EPB41L5: variants seen among roughly 807,000 people sequenced by gnomAD.
EPB41L5 encodes the protein erythrocyte membrane protein band 4.1 like 5, also known as band 4.1-like protein 5.
Under a neutral mutation model 106.6 loss-of-function variants are expected in EPB41L5, and 55 were observed. That is an observed-to-expected ratio of 0.52 (90% CI 0.42 to 0.65). EPB41L5 has a LOEUF of 0.65. Ranked by LOEUF, EPB41L5 falls within the 30% of genes least tolerant of loss-of-function variation. EPB41L5 has a pLI of 0.00. For missense variants in EPB41L5, 871 were observed against 882.1 expected (o/e 0.99, Z 0.16); for synonymous variants, 297 against 306.7 (o/e 0.97, Z 0.33).
At chr2:120,038,002 A>G (rs1679151874) in intron 2 of EPB41L5, among the ~76,000 whole-genome samples, 1 of 152,244 alleles carries the variant, frequency 6.6e-6, no homozygotes, top group Admixed American at 6.5e-5. Flanking sequence ...AGGATATGAT[A>G]ACAAAAGCAC....
intron 20 of EPB41L5, among the ~76,000 whole-genome samples, chr2:120,154,081 CT>C (rs1320248344): frequency 6.7e-6 from 1 of 150,160 alleles, no homozygotes; most frequent in Non-Finnish European, 1.5e-5. Context: ...CCATTACTGT[CT>C]TCTTTGTTTA....
Position 120,013,217 on chromosome 2 carries a change from G to T in EPB41L5, c.-9+7G>T, listed in dbSNP as rs1263293393. On this transcript the variant is annotated splice_region_variant and intron_variant, in intron 1 of 24. Transcript: ENST00000263713. Reference sequence around the variant, plus strand: ...TGCGCCGTCCCCAGCTCAGGTAAGCGCGAGGCCCGGCGGCGGCGCCGCAGT... The same window carrying T: ...TGCGCCGTCCCCAGCTCAGGTAAGCTCGAGGCCCGGCGGCGGCGCCGCAGT... 1 of 151,772 alleles carries T rather than the reference G, an allele frequency of 6.6e-6. No homozygotes were observed. The highest frequency in any genetic ancestry group is 1.5e-5 in the Non-Finnish European group (1 of 68,194). 9.4% of individuals were successfully genotyped at this position (151,772 alleles called of 1,614,324 possible).
chr2:120,101,803 C>G (rs552588440), intron 16 of EPB41L5, among the ~76,000 whole-genome samples: 71 of 152,202 alleles, frequency 4.7e-4, no homozygotes, highest in Middle Eastern at 3.4e-3. Flanking sequence ...TATTTCAGTT[C>G]CAAATAACTT....
At chr2:120,051,136 C>G (rs1469357488) in intron 3 of EPB41L5, among the ~76,000 whole-genome samples, 1 of 152,176 alleles carries the variant, frequency 6.6e-6, no homozygotes, top group African/African-American at 2.4e-5. Flanking sequence ...TGTCCATTCT[C>G]AGATCTCAAA....
intron 18 of EPB41L5, among the ~76,000 whole-genome samples, chr2:120,136,301 C>T (rs1685921366): frequency 6.6e-6 from 1 of 151,004 alleles, no homozygotes; most frequent in African/African-American, 2.4e-5. Flanking sequence ...AACATACCAT[C>T]AGAGAAAAGC....
intron 10 of EPB41L5, 119 bp downstream of exon 10, chr2:120,078,700 C>A: frequency 1.6e-6 from 1 of 607,058 alleles, no homozygotes. Context: ...TCAATGAAAG[C>A]AACTGTCTCC....
At chr2:120,125,708 T>C (rs1347644777) in intron 16 of EPB41L5, among the ~76,000 whole-genome samples, 1 of 152,196 alleles carries the variant, frequency 6.6e-6, no homozygotes, top group Non-Finnish European at 1.5e-5. Flanking sequence ...TGGGATTTTT[T>C]TGTCTTTTCT....
intron 10 of EPB41L5, 117 bp from the exon 11 acceptor site, chr2:120,087,054 T>C (rs547803925): frequency 6.7e-5 from 40 of 595,366 alleles, no homozygotes; most frequent in Middle Eastern, 9.2e-4. Context: ...TTTACCGTCC[T>C]GTCAATTTTT....
In EPB41L5 at chr2:120,074,096, A is replaced by G. The variant is rs1207369938; in HGVS notation, c.329-4A>G. ...TTAAAACCTTTTTTTTTTTTAAATGACAGTTGGTTCACCCTATTGTCTGCA... is the reference window on the plus strand; with the variant it reads ...TTAAAACCTTTTTTTTTTTTAAATGGCAGTTGGTTCACCCTATTGTCTGCA... On this transcript the variant is annotated splice_region_variant and splice_polypyrimidine_tract_variant and intron_variant, in intron 4 of 24. Transcript: ENST00000263713. 1.3e-6 allele frequency: 2 copies of G among 1,588,746 alleles called. No homozygotes were observed. The highest frequency in any genetic ancestry group is 8.5e-7 in the Non-Finnish European group (1 of 1,170,122).
chr2:120,110,501 C>T (rs1269316854), intron 16 of EPB41L5, among the ~76,000 whole-genome samples: 2 of 152,182 alleles, frequency 1.3e-5, no homozygotes, highest in African/African-American at 2.4e-5. Context: ...AACTGCCTAT[C>T]TGACATCTCT....
In EPB41L5 at chr2:120,122,810, A is replaced by G. The variant is rs188143167; in HGVS notation, c.1338-4878A>G. Among the ~76,000 whole-genome samples the G allele has an allele frequency of 6.4e-3, 972 of 152,316 alleles. 15 individuals are homozygous for G. Among genetic ancestry groups the G allele is most frequent in the African/African-American group, 0.021 (864 of 41,574 alleles). ...ATATTGATTCTTCCTATCCATGAGC[A>G]TGGAATGTTCTTCCAGTTGTTTGTG... On this transcript the variant is annotated intron_variant, in intron 16 of 24. Coordinates refer to ENST00000263713, the MANE Select transcript of EPB41L5 (RefSeq NM_020909.4).
intron 20 of EPB41L5, among the ~76,000 whole-genome samples, chr2:120,147,423 C>G (rs1242814533): frequency 6.6e-6 from 1 of 151,688 alleles, no homozygotes; most frequent in East Asian, 1.9e-4. Context: ...GTCATGAATT[C>G]AAGACCAGCC....
intron 18 of EPB41L5, among the ~76,000 whole-genome samples, chr2:120,141,879 C>T (rs186678886): frequency 5.6e-4 from 85 of 152,078 alleles, no homozygotes; most frequent in African/African-American, 1.8e-3. Flanking sequence ...GCAGATTTGA[C>T]CTTAACACAG....
intron 16 of EPB41L5, chr2:120,106,313 TA>T: frequency 1.0e-6 from 1 of 985,416 alleles, no homozygotes; most frequent in South Asian, 4.7e-5. Context: ...GTCTATTTTA[TA>T]GAAGTTCCCA....
At chr2:120,104,518 A>G in intron 16 of EPB41L5, 3 of 1,069,552 alleles carry the variant, frequency 2.8e-6, no homozygotes, top group Non-Finnish European at 3.4e-6. Context: ...ATGTTCACAC[A>G]TCACCAGACT....
chr2:120,034,100 T>C (rs1013016187), intron 2 of EPB41L5, among the ~76,000 whole-genome samples: 1 of 152,104 alleles, frequency 6.6e-6, no homozygotes, highest in Non-Finnish European at 1.5e-5. Flanking sequence ...TCTGAAAAAA[T>C]AAAATCATGT....
At chr2:120,121,452 T>G (rs1034700999) in intron 16 of EPB41L5, among the ~76,000 whole-genome samples, 2 of 152,162 alleles carry the variant, frequency 1.3e-5, no homozygotes, top group East Asian at 3.9e-4. Context: ...CATGCAGTGT[T>G]TGGTTTTCTG....
At position 120,069,474 on chromosome 2, in the gene EPB41L5, A is replaced by G. The variant is rs192133254; in HGVS notation, c.286-3704A>G. On this transcript the variant is annotated intron_variant, in intron 3 of 24. Coordinates refer to ENST00000263713, the MANE Select transcript of EPB41L5 (RefSeq NM_020909.4). Reference sequence around the variant, plus strand: ...CTCAGCTCTGGACCAAGCAGACCTAATAGACATCTACAGAACTCTCCACCC... The same window carrying G: ...CTCAGCTCTGGACCAAGCAGACCTAGTAGACATCTACAGAACTCTCCACCC... 2.7e-4 allele frequency among the ~76,000 whole-genome samples: 41 copies of G among 152,270 alleles called. No homozygotes were observed. The East Asian group carries it at 7.0e-3, about 26-fold the overall frequency.
chr2:120,067,381 T>A (rs1681515758), intron 3 of EPB41L5, among the ~76,000 whole-genome samples: 1 of 152,210 alleles, frequency 6.6e-6, no homozygotes, highest in Non-Finnish European at 1.5e-5. Flanking sequence ...GAAATTGGAT[T>A]CCTTGGCTCT....
Sources: allele counts gnomAD v4.1 joint callset (sites outside exome capture counted in the v4.1 genomes callset), GRCh38; gene constraint gnomAD v4.1.1; transcripts MANE v1.5; gene names NCBI Gene and HGNC (gene_info 2026-07-23, HGNC 2026-07-21).